The following DHRS3 variants were observed in gnomAD, a reference collection of about 807,000 sequenced individuals.
DHRS3 encodes the protein short-chain dehydrogenase/reductase 3.
A neutral mutation model predicts 27.2 loss-of-function variants in DHRS3; 14 were observed. That is an observed-to-expected ratio of 0.52 (90% CI 0.34 to 0.81). The LOEUF (loss-of-function observed/expected upper bound fraction) is 0.81, where lower values mean the gene tolerates loss of function less well. Ranked by LOEUF, DHRS3 falls within the 30% of genes least tolerant of loss-of-function variation. The pLI is 0.01. For missense variants in DHRS3, 322 were observed against 406.2 expected (o/e 0.79, Z 1.78); for synonymous variants, 165 against 175.9 (o/e 0.94, Z 0.49).
Position 12,578,841 on chromosome 1 carries a change from T to C in DHRS3, c.575A>G (p.Lys192Arg). The C allele has an allele frequency of 6.2e-7, 1 of 1,613,928 alleles. No individual in the cohort carries two copies. Among genetic ancestry groups the C allele is most frequent in the Non-Finnish European group, 8.5e-7 (1 of 1,179,992 alleles). ...CTCCATGAAGGCGAAGGCTGACGCT[T>C]TGGATGTGCAGTAGTCGATGGCACC... ...IPGAIDYCTS[K>R]ASAFAFMESL... The change falls in exon 4 of 6, where the codon AAA becomes AGA. Residue 192 changes from lysine (K) to arginine (R), a missense_variant. Coordinates refer to ENST00000616661, the MANE Select transcript of DHRS3 (RefSeq NM_004753.7). The surrounding 1 kb of genome is among the most constrained non-coding windows in gnomAD (Gnocchi z 4.5).
At chr1:12,598,548 C>T (rs531027306) in intron 1 of DHRS3, among the ~76,000 whole-genome samples, 1 of 152,178 alleles carries the variant, frequency 6.6e-6, no homozygotes, top group African/African-American at 2.4e-5. Context: ...AGAGCAAGCC[C>T]TAATTGGAAC....
intron 2 of DHRS3, 52 bp from the exon 3 acceptor site, chr1:12,579,464 A>G (rs781699732): frequency 1.9e-6 from 3 of 1,595,544 alleles, no homozygotes; most frequent in East Asian, 2.2e-5. Flanking sequence ...CCCAGGGCCA[A>G]CGATATATGT....
intron 1 of DHRS3, among the ~76,000 whole-genome samples, chr1:12,604,846 C>G (rs972712640): frequency 1.3e-5 from 2 of 152,046 alleles, no homozygotes; most frequent in African/African-American, 2.4e-5. Flanking sequence ...GTCAAGAGAT[C>G]GAGACCATCC....
At chr1:12,571,286 A>C (rs1007921458) in intron 5 of DHRS3, among the ~76,000 whole-genome samples, 1 of 152,130 alleles carries the variant, frequency 6.6e-6, no homozygotes, top group Non-Finnish European at 1.5e-5. Flanking sequence ...CTGGAGGAGG[A>C]GTCTCTCATT....
intron 1 of DHRS3, among the ~76,000 whole-genome samples, chr1:12,598,283 G>T (rs1420297403): frequency 6.6e-6 from 1 of 152,160 alleles, no homozygotes; most frequent in Admixed American, 6.5e-5. Context: ...GGCCACTGGG[G>T]AGGATCACGT....
At chr1:12,601,835 C>G (rs867092679) in intron 1 of DHRS3, among the ~76,000 whole-genome samples, 1 of 152,194 alleles carries the variant, frequency 6.6e-6, no homozygotes, top group African/African-American at 2.4e-5. Flanking sequence ...ACGGTACCCA[C>G]GCTGGAAGGT....
chr1:12,569,373 A>AT (rs556362460), intron 5 of DHRS3, among the ~76,000 whole-genome samples: 253 of 151,764 alleles, frequency 1.7e-3, no homozygotes, highest in Admixed American at 3.7e-3. Flanking sequence ...AACAGAGCTC[A>AT]TTTTTTTATT....
At position 12,591,455 on chromosome 1, in the gene DHRS3, G is replaced by T. The variant is rs1299105021; in HGVS notation, c.196-10789C>A. 6.6e-6 allele frequency among the ~76,000 whole-genome samples: 1 copy of T among 152,236 alleles called. No homozygotes were observed. Among genetic ancestry groups the T allele is most frequent in the Non-Finnish European group, 1.5e-5 (1 of 68,046 alleles). On this transcript the variant is annotated intron_variant, in intron 1 of 5. Coordinates refer to ENST00000616661, the MANE Select transcript of DHRS3 (RefSeq NM_004753.7). This position sits in a 1 kb window ranked among gnomAD's most constrained non-coding sequence, Gnocchi z 4.1. ...GATTGTGATGAAGCTCCTCAAATTAGATCAGCCAGTGGTGTCGCCCTCCCA... is the reference window on the plus strand; with the variant it reads ...GATTGTGATGAAGCTCCTCAAATTATATCAGCCAGTGGTGTCGCCCTCCCA...
chr1:12,614,630 A>C (rs1190170235), intron 1 of DHRS3, among the ~76,000 whole-genome samples: 1 of 151,314 alleles, frequency 6.6e-6, no homozygotes, highest in Non-Finnish European at 1.5e-5. Flanking sequence ...CTGGGTTGTC[A>C]ACTCTCTCCC....
At chr1:12,610,136 T>TG (rs779036251) in intron 1 of DHRS3, among the ~76,000 whole-genome samples, 2 of 152,190 alleles carry the variant, frequency 1.3e-5, no homozygotes, top group Non-Finnish European at 2.9e-5. Context: ...TGGAGTGCAG[T>TG]GGCATGATCT....
chr1:12,584,444 C>T (rs1460405155), intron 1 of DHRS3, among the ~76,000 whole-genome samples: 1 of 152,114 alleles, frequency 6.6e-6, no homozygotes, highest in Non-Finnish European at 1.5e-5. Context: ...GGCCTCACCT[C>T]TCCCTGGCAC....
intron 1 of DHRS3, among the ~76,000 whole-genome samples, chr1:12,588,117 G>C (rs945195607): frequency 6.6e-6 from 1 of 152,180 alleles, no homozygotes; most frequent in Non-Finnish European, 1.5e-5. Context: ...CCTGGTGCCC[G>C]GCCCGGGCTG....
At chr1:12,575,679 C>T (rs1361081060) in intron 4 of DHRS3, among the ~76,000 whole-genome samples, 1 of 151,906 alleles carries the variant, frequency 6.6e-6, no homozygotes, top group African/African-American at 2.4e-5. Flanking sequence ...CTCATCTAAC[C>T]CATGAAAAGG....
intron 5 of DHRS3, among the ~76,000 whole-genome samples, chr1:12,571,925 C>T (rs376585348): frequency 3.3e-5 from 5 of 152,128 alleles, no homozygotes; most frequent in Non-Finnish European, 7.3e-5. Flanking sequence ...CTACGTGACA[C>T]GAGATATCAC....
intron 1 of DHRS3, chr1:12,616,545 T>G (rs1426732536): frequency 1.0e-6 from 1 of 985,666 alleles, no homozygotes; most frequent in East Asian, 1.1e-4. Context: ...GGGCTCTTTA[T>G]CAGTAGCTGC....
In DHRS3 at chr1:12,593,436, T is replaced by TCAAGTGATCCTCCTGCCTC. The variant is rs1646763142; in HGVS notation, c.196-12789_196-12771dup. Among the ~76,000 whole-genome samples, 1 of 152,078 alleles carries TCAAGTGATCCTCCTGCCTC rather than the reference T, an allele frequency of 6.6e-6. No homozygotes were observed. The highest frequency in any genetic ancestry group is 1.5e-5 in the Non-Finnish European group (1 of 67,996). ...CCAGGCTGGTCTTGAACTCCTGGCTTCAAGTGATCCTCCTGCCTCAGTCTC... is the reference window on the plus strand; with the variant it reads ...CCAGGCTGGTCTTGAACTCCTGGCTTCAAGTGATCCTCCTGCCTCCAAGTGATCCTCCTGCCTCAGTCTC... On this transcript the variant is annotated intron_variant, in intron 1 of 5. Coordinates refer to ENST00000616661, the MANE Select transcript of DHRS3 (RefSeq NM_004753.7). The surrounding 1 kb of genome is among the most constrained non-coding windows in gnomAD (Gnocchi z 4.6).
At position 12,617,527 on chromosome 1, in the gene DHRS3, A is replaced by C; in HGVS notation, c.-179T>G. 1 of 454,110 alleles carries C rather than the reference A, an allele frequency of 2.2e-6. No homozygotes were observed. Among genetic ancestry groups the C allele is most frequent in the East Asian group, 3.9e-5 (1 of 25,834 alleles). 28.1% of individuals were successfully genotyped at this position (454,110 alleles called of 1,614,324 possible). On this transcript the variant is annotated 5_prime_UTR_variant, in exon 1 of 6. Coordinates refer to ENST00000616661, the MANE Select transcript of DHRS3 (RefSeq NM_004753.7). ...AGCACCGGGTGAGAAAAAGAAAAAA[A>C]AAAAAAAAAAAAAGATAAATTCTCC...
chr1:12,591,011 G>A lies in DHRS3; in HGVS notation c.196-10345C>T, dbSNP rs374108071. 6.6e-6 allele frequency among the ~76,000 whole-genome samples: 1 copy of A among 152,284 alleles called. No homozygotes were observed. Among genetic ancestry groups the A allele is most frequent in the Non-Finnish European group, 1.5e-5 (1 of 68,036 alleles). ...AAGGATGGGGACAGAGAGATCGTGC[G>A]ATTCTGTGGTTTTGTCCCACTCAAG... On this transcript the variant is annotated intron_variant, in intron 1 of 5. Transcript: ENST00000616661. This position sits in a 1 kb window ranked among gnomAD's most constrained non-coding sequence, Gnocchi z 4.1.
At chr1:12,605,719 G>A (rs188859606) in intron 1 of DHRS3, among the ~76,000 whole-genome samples, 27 of 152,232 alleles carry the variant, frequency 1.8e-4, no homozygotes, top group Admixed American at 5.2e-4. Flanking sequence ...ACTCCTATCA[G>A]AGCAACATAA....
Sources: allele counts gnomAD v4.1 joint callset (sites outside exome capture counted in the v4.1 genomes callset), GRCh38; gene constraint gnomAD v4.1.1; non-coding constraint Gnocchi (gnomAD v3.1); transcripts MANE v1.5; gene names NCBI Gene and HGNC (gene_info 2026-07-23, HGNC 2026-07-21).